The following SRI variants were observed in gnomAD, a reference collection of about 807,000 sequenced individuals.
The protein encoded by SRI is 22 kDa protein.
A neutral mutation model predicts 33.3 loss-of-function variants in SRI; 30 were observed. The observed-to-expected ratio is 0.90, with a 90% CI of 0.67 to 1.22. The LOEUF (loss-of-function observed/expected upper bound fraction) is 1.22. Ranked by LOEUF, SRI falls within the 50% of genes most tolerant of loss-of-function variation. SRI has a pLI of 0.00. For synonymous variants in SRI, 75 were observed against 89.9 expected (o/e 0.83, Z 0.94); for missense variants, 243 against 250.8 (o/e 0.97, Z 0.21).
rs1157852912 is a variant in SRI, at chr7:88,209,430, A to G, written c.420T>C (p.Ala140=). Residue 140 remains alanine (A), a synonymous_variant, in exon 6 of 8, where the codon GCT becomes GCC. Coordinates refer to ENST00000265729, the MANE Select transcript of SRI (RefSeq NM_003130.4). ...TTMGFRLSPQ[A]VNSIAKRYST... is the part of the protein sequence containing the mutation. ...TGTATCGTTTTGCAATTGAATTCAC[A>G]GCCTGGGGACTCAACCTAAATCCTA... 6.2e-6 allele frequency: 10 copies of G among 1,613,920 alleles called. No individual in the cohort carries two copies. The highest frequency in any genetic ancestry group is 8.5e-6 in the Non-Finnish European group (10 of 1,179,922).
upstream of SRI, among the ~76,000 whole-genome samples, chr7:88,221,566 A>C (rs546806037): frequency 6.6e-6 from 1 of 152,242 alleles, no homozygotes; most frequent in African/African-American, 2.4e-5. Context: ...GTTTGAAAGA[A>C]GTATAAAGCA....
At chr7:88,219,399 G>A (rs1851823358) in intron 1 of SRI, 1 of 201,124 alleles carries the variant, frequency 5.0e-6, no homozygotes, top group Non-Finnish European at 1.0e-5. Flanking sequence ...GCTGTATCTC[G>A]TGGGTGGCGA....
rs1264939980 is a variant in SRI, at chr7:88,219,835, G to A, written c.51+141C>T. ...CCCCAGGGGCCTAGGGCGAGGCCGC[G>A]AGCGCAGGGAGAAGCCGAGGGCGGA... On this transcript the variant is annotated intron_variant, in intron 1 of 7. Transcript: ENST00000265729. The A allele has an allele frequency of 2.9e-6, 3 of 1,038,348 alleles. No homozygotes were observed. The African/African-American group carries it at 5.0e-5, about 17-fold the overall frequency. The allele number at this position is 1,038,348 out of a possible 1,614,324, so 64.3% of individuals were successfully genotyped here.
intron 1 of SRI, among the ~76,000 whole-genome samples, chr7:88,226,527 AT>A (rs1358879999): frequency 6.6e-6 from 1 of 152,188 alleles, no homozygotes; most frequent in East Asian, 1.9e-4. Flanking sequence ...AAAATTCCCA[AT>A]TATTCATATT....
At chr7:88,223,183 C>T (rs963597570), upstream of SRI, among the ~76,000 whole-genome samples, 2 of 152,152 alleles carry the variant, frequency 1.3e-5, no homozygotes, top group African/African-American at 4.8e-5. Context: ...GCTGCTAATA[C>T]TTTAGTTTGC....
At chr7:88,210,576 G>T (rs1338931299) in intron 4 of SRI, 5 of 391,172 alleles carry the variant, frequency 1.3e-5, no homozygotes, top group African/African-American at 1.0e-4. Context: ...CAAGTGGGAT[G>T]TGAAAAATCC....
Position 88,210,890 on chromosome 7 carries a change from T to C in SRI, c.241A>G (p.Met81Val), listed in dbSNP as rs374209328. The C allele has an allele frequency of 3.7e-5, 60 of 1,613,504 alleles. No individual in the cohort carries two copies. The highest frequency in any genetic ancestry group is 1.3e-5 in the African/African-American group (1 of 75,000). The change falls in exon 4 of 8, where the codon ATG (methionine) becomes GTG (valine). Residue 81 changes from methionine (M) to valine (V), a missense_variant. Physicochemically the swap from Met to Val is conservative, Grantham distance 21. Transcript: ENST00000265729. ...NLETCRLMVS[M>V]LDRDMSGTMG... ...ATCAAAGTAAAGGATACATCCAGCA[T>C]TGAAACCATAAGCCGGCAAGTCTCC...
upstream of SRI, among the ~76,000 whole-genome samples, chr7:88,222,426 C>T (rs1851908244): frequency 2.0e-5 from 3 of 150,204 alleles, no homozygotes; most frequent in Non-Finnish European, 3.0e-5. Context: ...ATTTGCATTT[C>T]TCTGATGGCC....
At chr7:88,210,670 G>A (rs1481213642) in intron 4 of SRI, 3 of 546,560 alleles carry the variant, frequency 5.5e-6, no homozygotes, top group Non-Finnish European at 9.9e-6. Context: ...ATACTCTGAT[G>A]TTTCCTTAAA....
chr7:88,217,315 C>T, intron 2 of SRI, 124 bp from the exon 3 acceptor site: 1 of 821,008 alleles, frequency 1.2e-6, no homozygotes, highest in Admixed American at 2.4e-5. Flanking sequence ...AAAAGGAATG[C>T]CTTTTTTTTA....
upstream of SRI, among the ~76,000 whole-genome samples, chr7:88,220,346 C>A (rs958273680): frequency 7.7e-6 from 1 of 130,342 alleles, no homozygotes; most frequent in Non-Finnish European, 1.6e-5. Context: ...CAATACACCA[C>A]CCCAGGAATT....
chr7:88,209,225 C>G (rs754451509), intron 6 of SRI, 114 bp downstream of exon 6: 1 of 838,334 alleles, frequency 1.2e-6, no homozygotes, highest in Non-Finnish European at 1.9e-6. Flanking sequence ...CTGAAAAAAA[C>G]TACTAAAGCA....
intron 3 of SRI, among the ~76,000 whole-genome samples, chr7:88,213,618 T>C (rs1254065759): frequency 6.6e-6 from 1 of 152,130 alleles, no homozygotes; most frequent in Non-Finnish European, 1.5e-5. Context: ...CCAGTGCTTT[T>C]CCCAACACCC....
chr7:88,218,666 C>A (rs187125632), intron 2 of SRI, 193 bp downstream of exon 2: 9 of 545,036 alleles, frequency 1.7e-5, no homozygotes, highest in Admixed American at 3.1e-5. Context: ...CACATAAATA[C>A]GAGTAACACT....
At chr7:88,212,623 C>T (rs1051487579) in intron 3 of SRI, among the ~76,000 whole-genome samples, 2 of 152,186 alleles carry the variant, frequency 1.3e-5, no homozygotes, top group Admixed American at 1.3e-4. Flanking sequence ...CCTGGACCAG[C>T]CATATTAGCA....
upstream of SRI, among the ~76,000 whole-genome samples, chr7:88,224,814 C>T (rs1000410837): frequency 1.3e-5 from 2 of 152,168 alleles, no homozygotes; most frequent in Non-Finnish European, 2.9e-5. Flanking sequence ...GAATCATCAA[C>T]CACAGCTCTT....
Position 88,213,559 on chromosome 7 carries a change from G to A in SRI, c.206-2634C>T, listed in dbSNP as rs548064078. 3.3e-5 allele frequency among the ~76,000 whole-genome samples: 5 copies of A among 152,238 alleles called. No individual in the cohort carries two copies. In the South Asian group the frequency reaches 1.0e-3, roughly 32 times the overall value. The stretch of plus-strand genomic sequence containing the variant: ...TGCAAGGAAAACTTTCCTGACTCCT[G>A]TCTGGGTTATGTGCCCATTCTATGT... On this transcript the variant is annotated intron_variant, in intron 3 of 7. Transcript: ENST00000265729.
intron 2 of SRI, among the ~76,000 whole-genome samples, chr7:88,217,925 G>A (rs964302354): frequency 6.6e-6 from 1 of 152,200 alleles, no homozygotes; most frequent in Non-Finnish European, 1.5e-5. Context: ...AGTTTAAGTA[G>A]ATACTTAAGG....
chr7:88,214,451 T>A (rs914596898), intron 3 of SRI, among the ~76,000 whole-genome samples: 1 of 152,048 alleles, frequency 6.6e-6, no homozygotes, highest in African/African-American at 2.4e-5. Context: ...GTGAGAAGGA[T>A]CTGAAAGGGC....
Sources: allele counts gnomAD v4.1 joint callset (sites outside exome capture counted in the v4.1 genomes callset), GRCh38; gene constraint gnomAD v4.1.1; transcripts MANE v1.5; gene names NCBI Gene and HGNC (gene_info 2026-07-23, HGNC 2026-07-21).